ARHGEF17: variants seen among roughly 807,000 people sequenced by gnomAD.
ARHGEF17 encodes Rho guanine nucleotide exchange factor 17, also known as 164 kDa Rho-specific guanine-nucleotide exchange factor.
A neutral mutation model predicts 174.0 loss-of-function variants in ARHGEF17; 80 were observed. The ratio of observed to expected loss-of-function variants is 0.46; its 90% CI spans 0.38 to 0.55. ARHGEF17 has a LOEUF of 0.55. Ranked by LOEUF, ARHGEF17 falls within the 20% of genes least tolerant of loss-of-function variation. ARHGEF17 has a pLI of 0.00. For missense variants in ARHGEF17, 2,886 were observed against 2,839.7 expected (o/e 1.02, Z -0.37); for synonymous variants, 1,311 against 1,189.1 (o/e 1.10, Z -2.11).
rs372747317 is a variant in ARHGEF17 at position 73,311,543 on chromosome 11, A to T, written c.2905A>T (p.Ile969Phe). 6.2e-7 allele frequency: 1 copy of T among 1,613,374 alleles called. No individual in the cohort carries two copies. Among genetic ancestry groups the T allele is most frequent in the South Asian group, 1.1e-5 (1 of 91,088 alleles). ...HASVPATFMP[I>F]VVPEPPTSVG... is the part of the protein sequence containing the mutation. ...CAGTGTGCCCGCCACATTTATGCCT[A>T]TTGTGGTGCCTGAGCCACCAACTTC... Residue 969 changes from isoleucine (I) to phenylalanine (F), a missense_variant, in exon 1 of 21, where the codon ATT (isoleucine) becomes TTT (phenylalanine). By Grantham distance (21) the Ile-to-Phe change is conservative (BLOSUM62 0). Transcript: ENST00000263674.
chr11:73,355,818 C>T, intron 4 of ARHGEF17, 43 bp from the exon 5 acceptor site: 3 of 1,609,720 alleles, frequency 1.9e-6, no homozygotes, highest in Non-Finnish European at 2.6e-6. Flanking sequence ...CATAGTCTTC[C>T]TGGCATGTCA....
rs924308051 is a variant in ARHGEF17, at chr11:73,323,295, C to T, written c.3192+11465C>T. Among the ~76,000 whole-genome samples, 4 of 152,184 alleles carry T rather than the reference C, an allele frequency of 2.6e-5. No homozygotes were observed. The East Asian group carries it at 7.7e-4, about 29-fold the overall frequency. ...AAGACAAGTCCCTCTGCCTTGGTTT[C>T]CCCATCTGTGAAGTGGGAGTCCTCC... On this transcript the variant is annotated intron_variant, in intron 1 of 20. Transcript: ENST00000263674.
chr11:73,310,112 G>A lies in ARHGEF17; in HGVS notation c.1474G>A (p.Gly492Arg). Residue 492 changes from glycine (G) to arginine (R), a missense_variant, in exon 1 of 21, where the codon GGG becomes AGG. Physicochemically the swap from Gly to Arg is moderately radical, Grantham distance 125. Around this residue, in one of 4 missense-constraint regions of ARHGEF17, gnomAD observed 1,728 missense variants for 1,461.2 expected, o/e 1.18. Coordinates refer to ENST00000263674, the MANE Select transcript of ARHGEF17 (RefSeq NM_014786.4). ...AGAGCTGAGGGTCCGAAAACCTGGTGGGAGCTCCGGGGACCGTGGAAGCAA... is the reference window on the plus strand; with the variant it reads ...AGAGCTGAGGGTCCGAAAACCTGGTAGGAGCTCCGGGGACCGTGGAAGCAA... ...LSELRVRKPG[G>R]SSGDRGSNPL... 6.2e-7 allele frequency: 1 copy of A among 1,614,100 alleles called. No homozygotes were observed. The highest frequency in any genetic ancestry group is 8.5e-7 in the Non-Finnish European group (1 of 1,180,020).
rs2135785244 is a variant in ARHGEF17 at position 73,311,546 on chromosome 11, G to T, written c.2908G>T (p.Val970Leu). 6.2e-7 allele frequency: 1 copy of T among 1,613,554 alleles called. No homozygotes were observed. The highest frequency in any genetic ancestry group is 1.3e-5 in the African/African-American group (1 of 75,042). The part of the protein sequence containing the change: ...ASVPATFMPI[V>L]VPEPPTSVGP... ...TGTGCCCGCCACATTTATGCCTATT[G>T]TGGTGCCTGAGCCACCAACTTCTGT... Residue 970 changes from valine (V) to leucine (L), a missense_variant, in exon 1 of 21, where the codon GTG becomes TTG. This residue lies in a region of ARHGEF17 where 1,728 missense variants were observed against 1,461.2 expected (regional missense o/e 1.18). Coordinates refer to ENST00000263674, the MANE Select transcript of ARHGEF17 (RefSeq NM_014786.4).
At position 73,310,310 on chromosome 11, in the gene ARHGEF17, C is replaced by CTGCCCCGCACCA. The variant is rs1377290432; in HGVS notation, c.1673_1684dup (p.Thr561_Ser562insMetProArgThr). Reference sequence around the variant, plus strand: ...CTCTGAGAAGCCCATGGCCCGCCGCCTGCCCCGCACCAGTGCTCTGAAGTC... The same window carrying CTGCCCCGCACCA: ...CTCTGAGAAGCCCATGGCCCGCCGCCTGCCCCGCACCATGCCCCGCACCAGTGCTCTGAAGTC... On this transcript the variant is annotated inframe_insertion, in exon 1 of 21. Transcript: ENST00000263674. 5.6e-6 allele frequency: 9 copies of CTGCCCCGCACCA among 1,613,842 alleles called. No individual in the cohort carries two copies. In the South Asian group the frequency reaches 9.9e-5, roughly 18 times the overall value.
chr11:73,308,565 C>T lies in ARHGEF17; in HGVS notation c.-74C>T, dbSNP rs1864730055. 7.7e-7 allele frequency: 1 copy of T among 1,304,298 alleles called. No individual in the cohort carries two copies. The highest frequency in any genetic ancestry group is 9.9e-7 in the Non-Finnish European group (1 of 1,009,394). The allele number at this position is 1,304,298 out of a possible 1,614,324, so 80.8% of individuals were successfully genotyped here. The stretch of plus-strand genomic sequence containing the variant: ...GCTTTCGGCGTGGGCCGCTGCGCTC[C>T]TAGGGAGTGGGGGCGCAGGGGGGGT... On this transcript the variant is annotated 5_prime_UTR_variant, in exon 1 of 21. Transcript: ENST00000263674.
At chr11:73,357,512 C>T (rs1865665293) in intron 9 of ARHGEF17, among the ~76,000 whole-genome samples, 185 bp downstream of exon 9, 1 of 152,244 alleles carries the variant, frequency 6.6e-6, no homozygotes, top group Admixed American at 6.5e-5. Flanking sequence ...GCCAGACAGT[C>T]TGTCCATGTA....
chr11:73,353,703 C>T (rs1383220881), intron 3 of ARHGEF17, among the ~76,000 whole-genome samples: 1 of 152,136 alleles, frequency 6.6e-6, no homozygotes, highest in Non-Finnish European at 1.5e-5. Flanking sequence ...CCTCTCACCA[C>T]AGGCCAGATC....
At chr11:73,332,419 A>G (rs1049020818) in intron 1 of ARHGEF17, among the ~76,000 whole-genome samples, 2 of 146,738 alleles carry the variant, frequency 1.4e-5, no homozygotes, top group Non-Finnish European at 3.0e-5. Flanking sequence ...ATTTTAAATA[A>G]CATTGAGATG....
intron 1 of ARHGEF17, among the ~76,000 whole-genome samples, chr11:73,317,807 G>C (rs1864953040): frequency 6.6e-6 from 1 of 152,146 alleles, no homozygotes; most frequent in South Asian, 2.1e-4. Context: ...GCTCTGTGCA[G>C]TGAGTGAACC....
chr11:73,352,749 G>A (rs1865575447), intron 2 of ARHGEF17, 81 bp from the exon 3 acceptor site: 46 of 1,506,070 alleles, frequency 3.1e-5, no homozygotes, highest in Non-Finnish European at 4.1e-5. Context: ...GATTCTGTGT[G>A]CACTCACACA....
rs777173481 is a variant in ARHGEF17, at chr11:73,309,347, G to A, written c.709G>A (p.Ala237Thr). 10 of 1,584,466 alleles carry A rather than the reference G, an allele frequency of 6.3e-6. No individual in the cohort carries two copies. Among genetic ancestry groups the A allele is most frequent in the Non-Finnish European group, 8.6e-6 (10 of 1,166,038 alleles). Residue 237 changes from alanine (A) to threonine (T), a missense_variant, in exon 1 of 21, where the codon GCC (alanine) becomes ACC (threonine). Physicochemically the swap from Ala to Thr is moderately conservative, Grantham distance 58. Around this residue, in one of 4 missense-constraint regions of ARHGEF17, gnomAD observed 1,728 missense variants for 1,461.2 expected, o/e 1.18. Transcript: ENST00000263674. ...ARASCSSSSIAASYPVSRSRA... is the reference protein window; with the variant it reads ...ARASCSSSSITASYPVSRSRA... ...GGCCTCCTGCTCCTCCTCCTCCATCGCCGCCTCCTATCCTGTCAGCCGCAG... is the reference window on the plus strand; with the variant it reads ...GGCCTCCTGCTCCTCCTCCTCCATCACCGCCTCCTATCCTGTCAGCCGCAG...
chr11:73,347,089 C>T (rs1269801978), intron 2 of ARHGEF17, 129 bp downstream of exon 2: 10 of 935,270 alleles, frequency 1.1e-5, no homozygotes, highest in Admixed American at 2.0e-5. Flanking sequence ...GCATCCGTCG[C>T]CTTTCCATGA....
intron 1 of ARHGEF17, chr11:73,343,040 C>T (rs1302615807): frequency 3.5e-6 from 1 of 282,510 alleles, no homozygotes; most frequent in Non-Finnish European, 6.6e-6. Flanking sequence ...CGGGCTGAGC[C>T]CTTAGGGAGC....
chr11:73,310,400 C>A lies in ARHGEF17; in HGVS notation c.1762C>A (p.Gln588Lys), dbSNP rs777379807. The A allele has an allele frequency of 6.2e-7, 1 of 1,613,986 alleles. No homozygotes were observed. The highest frequency in any genetic ancestry group is 1.7e-5 in the Admixed American group (1 of 60,032). ...AEEDPLPLIVQDQYVQEARQV... is the reference protein window; with the variant it reads ...AEEDPLPLIVKDQYVQEARQV... ...GGAGGATCCGCTGCCCCTCATCGTC[C>A]AGGACCAATATGTGCAGGAGGCCCG... The change falls in exon 1 of 21, where the codon CAG (glutamine) becomes AAG (lysine). Residue 588 changes from glutamine to lysine, a missense_variant. This residue lies in a region of ARHGEF17 where 1,728 missense variants were observed against 1,461.2 expected (regional missense o/e 1.18). Transcript: ENST00000263674.
Position 73,363,655 on chromosome 11 carries a change from A to G in ARHGEF17, c.5247-92A>G, listed in dbSNP as rs139760597. ...ACCTTGGGCAGGCACCCAGCATTGA[A>G]GACGTGGTGCTAGGGGCAAAGAGGT... On this transcript the variant is annotated intron_variant, in intron 15 of 20. Coordinates refer to ENST00000263674, the MANE Select transcript of ARHGEF17 (RefSeq NM_014786.4). The G allele has an allele frequency of 1.6e-5, 25 of 1,544,100 alleles. No homozygotes were observed. In the African/African-American group the frequency reaches 3.4e-4, roughly 21 times the overall value.
chr11:73,312,315 G>A (rs899616939), intron 1 of ARHGEF17, among the ~76,000 whole-genome samples: 1 of 152,180 alleles, frequency 6.6e-6, no homozygotes, highest in Admixed American at 6.5e-5. Flanking sequence ...CCTGTGACAG[G>A]TCAGAATATA....
chr11:73,314,061 A>G (rs1224218454), intron 1 of ARHGEF17, among the ~76,000 whole-genome samples: 1 of 152,196 alleles, frequency 6.6e-6, no homozygotes, highest in Admixed American at 6.5e-5. Flanking sequence ...CCACACCCTC[A>G]TAAAGCCTGG....
intron 15 of ARHGEF17, 29 bp downstream of exon 15, chr11:73,363,484 A>T (rs752766149): frequency 6.3e-7 from 1 of 1,597,466 alleles, no homozygotes; most frequent in East Asian, 2.2e-5. Flanking sequence ...CTAGGGACAC[A>T]GTGCCAGAAC....
Sources: allele counts gnomAD v4.1 joint callset (sites outside exome capture counted in the v4.1 genomes callset), GRCh38; gene constraint gnomAD v4.1.1; regional missense constraint gnomAD v4.1.1; transcripts MANE v1.5; gene names NCBI Gene and HGNC (gene_info 2026-07-23, HGNC 2026-07-21).